SNCAIP: variants seen among roughly 807,000 people sequenced by gnomAD.
The protein encoded by SNCAIP is synphilin-1.
In SNCAIP, 43 loss-of-function variants were observed where a neutral mutation model predicts 86.7. The ratio of observed to expected loss-of-function variants is 0.50; its 90% CI spans 0.39 to 0.64. SNCAIP has a LOEUF of 0.64. SNCAIP is among the 30% of genes least tolerant of loss of function. The pLI, the probability that SNCAIP is intolerant of heterozygous loss-of-function variation, is 0.00. For missense variants in SNCAIP, 981 were observed against 1,103.1 expected, an observed-to-expected ratio of 0.89 and a Z score of 1.57; for synonymous variants, 417 against 427.2, an observed-to-expected ratio of 0.98 and a Z score of 0.29.
intron 5 of SNCAIP, among the ~76,000 whole-genome samples, chr5:122,428,386 T>C (rs1777758488): frequency 6.6e-6 from 1 of 152,196 alleles, no homozygotes; most frequent in South Asian, 2.1e-4. Flanking sequence ...ACAATAGTGA[T>C]ATAATATTTC....
At chr5:122,389,236 C>T (rs1256655360) in intron 1 of SNCAIP, 1 of 152,224 alleles carries the variant, frequency 6.6e-6, no homozygotes, top group South Asian at 2.1e-4. Flanking sequence ...CCATTTGGTC[C>T]CCAGCTTCGA....
intron 1 of SNCAIP, among the ~76,000 whole-genome samples, chr5:122,351,269 G>T (rs948903688): frequency 6.6e-6 from 1 of 151,940 alleles, no homozygotes; most frequent in Non-Finnish European, 1.5e-5. Flanking sequence ...AGGCGCGGTC[G>T]CTCACATCTG....
At chr5:122,378,534 C>T (rs1328024721) in intron 1 of SNCAIP, among the ~76,000 whole-genome samples, 1 of 142,804 alleles carries the variant, frequency 7.0e-6, no homozygotes, top group Admixed American at 6.8e-5. Flanking sequence ...TGCAGAAGCT[C>T]TTTAGTTTAA....
At position 122,330,418 on chromosome 5, in the gene SNCAIP, GC is replaced by G. The variant is rs555648677; in HGVS notation, c.-47+18136del. Among the ~76,000 whole-genome samples, 150 of 152,254 alleles carry G rather than the reference GC, an allele frequency of 9.9e-4. 1 individual carries two copies. The highest frequency in any genetic ancestry group is 3.3e-3 in the African/African-American group (139 of 41,546). On this transcript the variant is annotated intron_variant, in intron 1 of 10. Coordinates refer to ENST00000261368, the MANE Select transcript of SNCAIP (RefSeq NM_005460.4). ...TTACAGGCGTGAGCCACCGCGCCCG[GC>G]CTCATTTCTTAACAATAGTGAGAAA...
At chr5:122,387,570 C>A (rs1768447830) in intron 1 of SNCAIP, among the ~76,000 whole-genome samples, 1 of 152,190 alleles carries the variant, frequency 6.6e-6, no homozygotes, top group South Asian at 2.1e-4. Flanking sequence ...CTCCCAGCTG[C>A]TGGTTTGGGC....
At chr5:122,376,911 G>A (rs913652015) in intron 1 of SNCAIP, among the ~76,000 whole-genome samples, 1 of 152,120 alleles carries the variant, frequency 6.6e-6, no homozygotes. Context: ...TCAGCTGGGA[G>A]GCCGTCTATT....
At chr5:122,382,758 A>G (rs1767139360) in intron 1 of SNCAIP, among the ~76,000 whole-genome samples, 1 of 152,140 alleles carries the variant, frequency 6.6e-6, no homozygotes, top group African/African-American at 2.4e-5. Context: ...TTTTCCTTCT[A>G]ACAGACAGGA....
intron 6 of SNCAIP, among the ~76,000 whole-genome samples, chr5:122,434,218 C>T (rs1049909617): frequency 6.6e-6 from 1 of 152,194 alleles, no homozygotes; most frequent in South Asian, 2.1e-4. Context: ...TATATTAAAG[C>T]CTAAAAAGGA....
At chr5:122,439,664 A>G (rs919572704) in intron 6 of SNCAIP, among the ~76,000 whole-genome samples, 1 of 152,206 alleles carries the variant, frequency 6.6e-6, no homozygotes, top group African/African-American at 2.4e-5. Context: ...TGGAAAAAAA[A>G]ATCCTTTAAA....
At chr5:122,432,579 G>T (rs983449168) in intron 6 of SNCAIP, among the ~76,000 whole-genome samples, 2 of 152,002 alleles carry the variant, frequency 1.3e-5, no homozygotes, top group African/African-American at 4.8e-5. Context: ...AAGGAACAAT[G>T]ATACATTTTC....
At chr5:122,377,904 G>A (rs564651627) in intron 1 of SNCAIP, among the ~76,000 whole-genome samples, 1 of 152,056 alleles carries the variant, frequency 6.6e-6, no homozygotes, top group East Asian at 1.9e-4. Flanking sequence ...ATTCCATGGT[G>A]TATATGTGCC....
intron 6 of SNCAIP, among the ~76,000 whole-genome samples, chr5:122,438,007 C>A (rs1172288585): frequency 1.3e-5 from 2 of 152,068 alleles, no homozygotes; most frequent in African/African-American, 4.8e-5. Context: ...AATAGACATA[C>A]CCCCCATAAT....
intron 1 of SNCAIP, among the ~76,000 whole-genome samples, chr5:122,347,351 T>C (rs1449619051): frequency 1.3e-5 from 2 of 151,908 alleles, no homozygotes; most frequent in East Asian, 1.9e-4. Flanking sequence ...CCAGCTCTTC[T>C]TTTTTTGACC....
intron 3 of SNCAIP, among the ~76,000 whole-genome samples, chr5:122,415,310 A>C (rs755350812): frequency 2.0e-5 from 3 of 152,232 alleles, no homozygotes; most frequent in Admixed American, 6.5e-5. Flanking sequence ...GCAGGCCAGC[A>C]CTGGGTCTTC....
intron 7 of SNCAIP, among the ~76,000 whole-genome samples, chr5:122,441,815 G>A (rs1165170438): frequency 6.6e-6 from 1 of 152,196 alleles, no homozygotes; most frequent in African/African-American, 2.4e-5. Flanking sequence ...GTGAGGAAAG[G>A]AAAGGCTTTG....
In SNCAIP at chr5:122,444,685, C is replaced by A; in HGVS notation, c.1545C>A (p.Cys515Ter). The A allele has an allele frequency of 6.2e-7, 1 of 1,613,974 alleles. No individual in the cohort carries two copies. The highest frequency in any genetic ancestry group is 8.5e-7 in the Non-Finnish European group (1 of 1,179,878). Residue 515 changes from cysteine (C) to a stop codon, truncating the protein, a stop_gained, in exon 8 of 11, where the codon TGC becomes TGA. Transcript: ENST00000261368. LOFTEE classifies it high-confidence loss of function. ...GGTACCTGGTGGTGGTGGAGACCTG[C>A]ATGTCGCTGGCCTCTCAAGTGGTGA... ...CSRYLVVVET[C>*]MSLASQVVKL... is the part of the protein sequence containing the mutation.
intron 7 of SNCAIP, 169 bp downstream of exon 7, chr5:122,440,923 A>G (rs1780736582): frequency 1.5e-6 from 1 of 677,052 alleles, no homozygotes; most frequent in African/African-American, 1.8e-5. Flanking sequence ...ACACAAATGT[A>G]GGTAGGCATA....
intron 4 of SNCAIP, 35 bp from the exon 5 acceptor site, chr5:122,425,317 T>G: frequency 6.4e-7 from 1 of 1,557,796 alleles, no homozygotes; most frequent in Non-Finnish European, 8.9e-7. Flanking sequence ...CTCTGATTTA[T>G]TGACTTGGGT....
At chr5:122,438,654 A>G (rs560379663) in intron 6 of SNCAIP, among the ~76,000 whole-genome samples, 3 of 152,194 alleles carry the variant, frequency 2.0e-5, no homozygotes, top group South Asian at 4.1e-4. Context: ...TAGTTTCATT[A>G]TACTTCATTT....
Sources: gnomAD v4.1 joint callset for allele counts (sites outside exome capture counted in the v4.1 genomes callset) on GRCh38, gnomAD v4.1.1 for gene constraint, MANE v1.5 for transcripts, NCBI Gene and HGNC (gene_info 2026-07-23, HGNC 2026-07-21) for gene names.